TAF1: variants seen among roughly 807,000 people sequenced by gnomAD.
TAF1 encodes transcription initiation factor TFIID subunit 1.
A neutral mutation model predicts 138.5 loss-of-function variants in TAF1; 2 were observed. That is an observed-to-expected ratio of 0.01 (90% CI 0.01 to 0.05). The LOEUF (loss-of-function observed/expected upper bound fraction) is 0.05. Among genes scored for constraint, TAF1 ranks in the 10% least tolerant of loss-of-function variants. The probability of loss-of-function intolerance (pLI) is 1.00; values close to 1 mark genes in which losing one functional copy is unlikely to be tolerated. For missense variants in TAF1, 709 were observed against 1,478.0 expected, an observed-to-expected ratio of 0.48 and a Z score of 8.53; for synonymous variants, 437 against 503.2, an observed-to-expected ratio of 0.87 and a Z score of 1.76.
intron 23 of TAF1, among the ~76,000 whole-genome samples, 183 bp from the exon 24 acceptor site, chrX:71,398,387 AAG>A (rs1460317936): frequency 9.0e-6 from 1 of 111,277 alleles, no homozygotes; most frequent in Non-Finnish European, 1.9e-5. Context: ...GACTTATTCT[AAG>A]AGAGTTACCT....
At position 71,383,031 on chromosome X, in the gene TAF1, C is replaced by T. The variant is rs1335328165; in HGVS notation, c.1814C>T (p.Pro605Leu). 1 of 1,210,086 alleles carries T rather than the reference C, an allele frequency of 8.3e-7. No homozygotes were observed. Among genetic ancestry groups the T allele is most frequent in the Admixed American group, 2.2e-5 (1 of 45,546 alleles). The change falls in exon 12 of 38, where the codon CCC becomes CTC. Residue 605 changes from proline (P) to leucine (L), a missense_variant. Transcript: ENST00000423759. ...GTGGAATTACGGCAGCCCTTCTTTC[C>T]CACCCACATGGGGCCCATCAAACTC... ...PAVELRQPFF[P>L]THMGPIKLRQ...
intron 37 of TAF1, among the ~76,000 whole-genome samples, chrX:71,461,871 G>C (rs1329767172): frequency 9.0e-6 from 1 of 111,247 alleles, no homozygotes; most frequent in Admixed American, 9.6e-5. Context: ...GGGTAGAGGT[G>C]GGGAGGGAGG....
intron 28 of TAF1, among the ~76,000 whole-genome samples, chrX:71,413,458 C>T (rs769370779): frequency 1.9e-4 from 21 of 112,159 alleles, no homozygotes; most frequent in African/African-American, 6.1e-4. Context: ...AAAATTTTTG[C>T]ATATGGTTAG....
Position 71,392,569 on chromosome X carries a change from G to T in TAF1, c.2782G>T (p.Val928Phe). 8.6e-7 allele frequency: 1 copy of T among 1,161,879 alleles called. No homozygotes were observed. Among genetic ancestry groups the T allele is most frequent in the Non-Finnish European group, 1.1e-6 (1 of 874,859 alleles). Residue 928 changes from valine to phenylalanine, a missense_variant and splice_region_variant, in exon 19 of 38, where the codon GTT becomes TTT. Physicochemically the swap from Val to Phe is conservative, Grantham distance 50 (BLOSUM62 -1). Around this residue, in one of 14 missense-constraint regions of TAF1, gnomAD observed 31 missense variants for 140.4 expected, o/e 0.22. Coordinates refer to ENST00000423759, the MANE Select transcript of TAF1 (RefSeq NM_004606.5). ...EDFQMKIDDE[V>F]RTAPWNTTRA... ...CTGAGAATCTTTTTCTTTATCTCAGGTTCGCACTGCCCCTTGGAACACCAC... is the reference window on the plus strand; with the variant it reads ...CTGAGAATCTTTTTCTTTATCTCAGTTTCGCACTGCCCCTTGGAACACCAC...
At chrX:71,459,874 C>A (rs768599040) in intron 36 of TAF1, among the ~76,000 whole-genome samples, 166 bp downstream of exon 36, 1 of 111,500 alleles carries the variant, frequency 9.0e-6, no homozygotes. Flanking sequence ...GTAGGATGAT[C>A]ATATTCATTA....
intron 32 of TAF1, among the ~76,000 whole-genome samples, chrX:71,453,058 A>AGGGAGACCGTG (rs1038362111): frequency 1.7e-4 from 19 of 109,778 alleles, no homozygotes; most frequent in Non-Finnish European, 3.4e-4. Flanking sequence ...GTGGAAAGAG[A>AGGGAGACCGTG]GGGAGAGGGA....
At chrX:71,385,168 A>G in intron 14 of TAF1, 119 bp downstream of exon 14, 4 of 508,070 alleles carry the variant, frequency 7.9e-6, no homozygotes, top group Non-Finnish European at 1.3e-5. Context: ...TTTAAGTACA[A>G]AGAAAATAAG....
intron 28 of TAF1, chrX:71,420,524 A>T: frequency 8.3e-7 from 1 of 1,205,734 alleles, no homozygotes; most frequent in South Asian, 1.8e-5. Context: ...TGACATGATC[A>T]CTGGGCCAGC....
chrX:71,483,461 G>A (rs1302575171), intron 13 of TAF1, among the ~76,000 whole-genome samples: 3 of 103,925 alleles, frequency 2.9e-5, no homozygotes, highest in Admixed American at 1.1e-4. Flanking sequence ...TTAACTGGGC[G>A]TGGTGGTCCC....
chrX:71,479,326 C>T (rs1021611343), intron 13 of TAF1, among the ~76,000 whole-genome samples: 5 of 112,062 alleles, frequency 4.5e-5, no homozygotes, highest in African/African-American at 1.6e-4. Flanking sequence ...AATCCCAGCA[C>T]TTTGGAAGGC....
chrX:71,429,003 C>T (rs1378680641), intron 32 of TAF1, among the ~76,000 whole-genome samples: 1 of 111,159 alleles, frequency 9.0e-6, no homozygotes, highest in Non-Finnish European at 1.9e-5. Flanking sequence ...AGGCCGGGCG[C>T]GGTGGCTCAC....
At chrX:71,441,683 A>G (rs997390139) in intron 32 of TAF1, 2 of 299,473 alleles carry the variant, frequency 6.7e-6, no homozygotes, top group South Asian at 3.0e-5. Flanking sequence ...ATAATTTTGT[A>G]TCTTTTTTTT....
At chrX:71,455,925 C>G (rs185251113) in intron 34 of TAF1, among the ~76,000 whole-genome samples, 227 of 111,284 alleles carry the variant, frequency 2.0e-3, no homozygotes, top group Non-Finnish European at 3.7e-3. Flanking sequence ...CTTTTACTCT[C>G]TCTTTCATCT....
intron 18 of TAF1, among the ~76,000 whole-genome samples, chrX:71,390,969 T>G (rs2034525376): frequency 9.2e-6 from 1 of 108,698 alleles, no homozygotes; most frequent in African/African-American, 3.4e-5. Flanking sequence ...TAGTCCAGCC[T>G]GGACTAAAAG....
At chrX:71,505,132 A>G (rs957111953) in intron 13 of TAF1, among the ~76,000 whole-genome samples, 3 of 111,059 alleles carry the variant, frequency 2.7e-5, no homozygotes, top group African/African-American at 9.8e-5. Context: ...CCCCATATCA[A>G]AAAAATATAT....
intron 35 of TAF1, among the ~76,000 whole-genome samples, chrX:71,458,712 A>G (rs1003757687): frequency 8.9e-6 from 1 of 112,027 alleles, no homozygotes; most frequent in East Asian, 2.8e-4. Context: ...TGTGTATTAT[A>G]ATTTAAATTA....
In TAF1 at chrX:71,422,408, C is replaced by T. The variant is rs184639771; in HGVS notation, c.4453-709C>T. Among the ~76,000 whole-genome samples, 47 of 108,160 alleles carry T rather than the reference C, an allele frequency of 4.3e-4. 1 individual carries two copies. Among genetic ancestry groups the T allele is most frequent in the African/African-American group, 1.4e-3 (41 of 29,592 alleles). The allele number at this position is 108,160 out of a possible 115,157, so 93.9% of individuals were successfully genotyped here. A position where few individuals can be genotyped will look rare whatever the true frequency, so the allele number is the denominator to read the frequency against. On this transcript the variant is annotated intron_variant, in intron 29 of 37. Coordinates refer to ENST00000423759, the MANE Select transcript of TAF1 (RefSeq NM_004606.5). ...GATGACCTTGGCTCACTGCAACCTC[C>T]GCCTCCTGGGTTTAAGTGATTCTTG...
At chrX:71,424,813 C>T (rs1467220199) in intron 32 of TAF1, among the ~76,000 whole-genome samples, 4 of 110,960 alleles carry the variant, frequency 3.6e-5, no homozygotes, top group Non-Finnish European at 5.7e-5. Flanking sequence ...TTAGTAGAAA[C>T]GGGGTTTCAC....
At chrX:71,500,347 G>A (rs183496255) in intron 13 of TAF1, among the ~76,000 whole-genome samples, 1,743 of 111,310 alleles carry the variant, frequency 0.016, 24 homozygotes, top group Non-Finnish European at 0.025. Context: ...TTCCCCATCA[G>A]AGAGAGAATA....
Sources: gnomAD v4.1 joint callset for allele counts (sites outside exome capture counted in the v4.1 genomes callset) on GRCh38, gnomAD v4.1.1 for gene constraint, gnomAD v4.1.1 regional missense constraint, MANE v1.5 for transcripts, NCBI Gene and HGNC (gene_info 2026-07-23, HGNC 2026-07-21) for gene names.